The following SUPT6H variants were observed in gnomAD, a reference collection of about 807,000 sequenced individuals.
SUPT6H encodes SPT6 homolog, histone chaperone and transcription elongation factor.
In SUPT6H, 11 loss-of-function variants were observed where a neutral mutation model predicts 222.3. That is an observed-to-expected ratio of 0.05 (90% CI 0.03 to 0.08). The LOEUF is 0.08. Ranked by LOEUF, SUPT6H falls within the 10% of genes least tolerant of loss-of-function variation. The pLI, the probability that SUPT6H is intolerant of heterozygous loss-of-function variation, is 1.00. For missense variants in SUPT6H, 1,422 were observed against 2,216.0 expected (o/e 0.64, Z 7.19); for synonymous variants, 762 against 801.2 (o/e 0.95, Z 0.83).
Position 28,695,385 on chromosome 17 carries a change from A to G in SUPT6H, c.3808A>G (p.Ile1270Val). 6.2e-7 allele frequency: 1 copy of G among 1,614,024 alleles called. No individual in the cohort carries two copies. Among genetic ancestry groups the G allele is most frequent in the Non-Finnish European group, 8.5e-7 (1 of 1,179,992 alleles). ...GMTVHCRIMKIDIEKFSADLT... is the reference protein window; with the variant it reads ...GMTVHCRIMKVDIEKFSADLT... ...GACTGTTCACTGCCGCATCATGAAG[A>G]TTGACATTGAGAAGTTCAGTGCAGA... Residue 1270 changes from isoleucine to valine, a missense_variant, in exon 29 of 37, where the codon ATT becomes GTT. Coordinates refer to ENST00000314616, the MANE Select transcript of SUPT6H (RefSeq NM_003170.5).
At chr17:28,691,090 A>G in intron 27 of SUPT6H, 27 bp downstream of exon 27, 1 of 1,605,680 alleles carries the variant, frequency 6.2e-7, no homozygotes, top group Non-Finnish European at 8.5e-7. Context: ...TATCCTGCTC[A>G]GTGGATTTCC....
chr17:28,673,910 G>A (rs1357543398), intron 2 of SUPT6H, among the ~76,000 whole-genome samples: 1 of 152,144 alleles, frequency 6.6e-6, no homozygotes, highest in Admixed American at 6.5e-5. Flanking sequence ...GACTTCAAAG[G>A]GGTAAAGGGA....
intron 1 of SUPT6H, 103 bp from the exon 2 acceptor site, chr17:28,673,268 A>G: frequency 1.6e-6 from 1 of 641,508 alleles, no homozygotes; most frequent in Non-Finnish European, 2.8e-6. Context: ...TTGAGTGGGC[A>G]GAGCAGTGGC....
intron 36 of SUPT6H, 83 bp downstream of exon 36, chr17:28,701,211 G>T (rs533940961): frequency 1.3e-6 from 2 of 1,512,252 alleles, no homozygotes; most frequent in African/African-American, 2.8e-5. Context: ...GCAGAGGCAG[G>T]TGCTCTGGAT....
chr17:28,695,286 G>T, intron 28 of SUPT6H, 66 bp from the exon 29 acceptor site: 1 of 1,516,660 alleles, frequency 6.6e-7, no homozygotes, highest in South Asian at 1.3e-5. Flanking sequence ...GTTTTCTCAT[G>T]GGTGAAATAG....
Position 28,690,943 on chromosome 17 carries a change from C to G in SUPT6H, c.3513C>G (p.Val1171=), listed in dbSNP as rs144138350. ...FYIGKLIICN[V]TGIAHRRPQG... ...CAGGAAAGCTCATCATCTGCAATGTCACTGGCATTGCCCACAGGCGTCCCC... is the reference window on the plus strand; with the variant it reads ...CAGGAAAGCTCATCATCTGCAATGTGACTGGCATTGCCCACAGGCGTCCCC... Residue 1171 remains valine (V), a synonymous_variant, in exon 27 of 37, where the codon GTC becomes GTG. Transcript: ENST00000314616. 2.1e-4 allele frequency: 346 copies of G among 1,613,676 alleles called. 1 individual carries two copies. The highest frequency in any genetic ancestry group is 2.7e-4 in the Non-Finnish European group (320 of 1,180,024).
rs761330947 is a variant in SUPT6H, at chr17:28,693,740, C to G, written c.3678C>G (p.Ile1226Met). The G allele has an allele frequency of 6.2e-7, 1 of 1,614,198 alleles. No individual in the cohort carries two copies. Among genetic ancestry groups the G allele is most frequent in the South Asian group, 1.1e-5 (1 of 91,082 alleles). ...FDSGSCPGQA[I>M]GVKTRLDNGV... ...GCGGTTCGTGCCCAGGCCAGGCCAT[C>G]GGTGTCAAAACACGGCTAGACAATG... Residue 1226 changes from isoleucine to methionine, a missense_variant, in exon 28 of 37, where the codon ATC becomes ATG. Around this residue, in one of 13 missense-constraint regions of SUPT6H, gnomAD observed 39 missense variants for 124.2 expected, o/e 0.31. Coordinates refer to ENST00000314616, the MANE Select transcript of SUPT6H (RefSeq NM_003170.5).
intron 29 of SUPT6H, among the ~76,000 whole-genome samples, chr17:28,696,323 G>A (rs981195859): frequency 2.7e-5 from 4 of 148,664 alleles, no homozygotes; most frequent in Admixed American, 2.0e-4. Flanking sequence ...ATGGCCAGGC[G>A]CGATGGCTCA....
At chr17:28,679,990 C>CA (rs36143547) in intron 11 of SUPT6H, among the ~76,000 whole-genome samples, 847 of 58,204 alleles carry the variant, frequency 0.015, 12 homozygotes, top group African/African-American at 0.037. Context: ...GACTCCATCT[C>CA]AAAAAAAAAA....
intron 33 of SUPT6H, 72 bp from the exon 34 acceptor site, chr17:28,700,101 C>T: frequency 6.2e-7 from 1 of 1,602,410 alleles, no homozygotes; most frequent in Non-Finnish European, 8.5e-7. Context: ...TTCAGTGCCC[C>T]TTCCACCCCC....
In SUPT6H at chr17:28,682,849, G is replaced by T; in HGVS notation, c.1720G>T (p.Val574Phe). The change falls in exon 14 of 37, where the codon GTT becomes TTT. Residue 574 changes from valine to phenylalanine, a missense_variant. Transcript: ENST00000314616. ...AEPLELAKDY[V>F]CSQFPTPEAV... ...GCCCTTGGAGCTGGCCAAGGATTAC[G>T]TTTGCAGGTAGGCATGCAGCAGGTG... 6.2e-7 allele frequency: 1 copy of T among 1,614,132 alleles called. No individual in the cohort carries two copies. The highest frequency in any genetic ancestry group is 1.1e-5 in the South Asian group (1 of 91,082).
chr17:28,677,908 T>G (rs903782027), intron 8 of SUPT6H, 92 bp downstream of exon 8: 6 of 1,355,224 alleles, frequency 4.4e-6, no homozygotes, highest in Non-Finnish European at 6.3e-6. Context: ...TACATCCGTG[T>G]GCCTGGTATT....
In SUPT6H at chr17:28,678,123, T is replaced by C. The variant is rs1182102153; in HGVS notation, c.1047T>C (p.Ser349=). The C allele has an allele frequency of 6.2e-7, 1 of 1,612,230 alleles. No homozygotes were observed. The highest frequency in any genetic ancestry group is 1.1e-5 in the South Asian group (1 of 90,690). The stretch of plus-strand genomic sequence containing the variant: ...GAGGGCAGCCAGCCAGCAGCTTCAG[T>C]CGGAAAGGGCCCAGCACAATTCAGA... ...LDRGQPASSF[S]RKGPSTIQKI... The change falls in exon 9 of 37, where the codon AGT becomes AGC. Residue 349 remains serine, a synonymous_variant. Transcript: ENST00000314616.
Position 28,678,919 on chromosome 17 carries a change from T to C in SUPT6H, c.1305T>C (p.Pro435=), listed in dbSNP as rs2030918613. 6.2e-7 allele frequency: 1 copy of C among 1,614,154 alleles called. No homozygotes were observed. The highest frequency in any genetic ancestry group is 1.7e-5 in the Admixed American group (1 of 60,018). ...YEQISADPDK[P]LADGIRALDT... is the part of the protein sequence containing the mutation. ...AGATCTCTGCTGACCCTGACAAACC[T>C]CTTGCTGATGGCATCCGGGCTCTGG... Residue 435 remains proline, a synonymous_variant, in exon 11 of 37, where the codon CCT becomes CCC. Coordinates refer to ENST00000314616, the MANE Select transcript of SUPT6H (RefSeq NM_003170.5).
At chr17:28,699,323 AC>A (rs2032045185) in intron 32 of SUPT6H, among the ~76,000 whole-genome samples, 1 of 152,136 alleles carries the variant, frequency 6.6e-6, no homozygotes. Flanking sequence ...ACTGGAACTA[AC>A]CCAGAGCCCC....
intron 1 of SUPT6H, among the ~76,000 whole-genome samples, chr17:28,669,880 G>A (rs2030315306): frequency 1.3e-5 from 2 of 152,274 alleles, no homozygotes; most frequent in Admixed American, 1.3e-4. Flanking sequence ...AGGTTGCAGC[G>A]AGCCAGGATC....
At chr17:28,678,305 C>A in intron 9 of SUPT6H, 113 bp downstream of exon 9, 1 of 994,480 alleles carries the variant, frequency 1.0e-6, no homozygotes, top group South Asian at 1.4e-5. Flanking sequence ...CTATCCATGA[C>A]TCAACAAGTG....
chr17:28,698,921 G>A (rs750686722), intron 32 of SUPT6H, among the ~76,000 whole-genome samples: 1 of 152,092 alleles, frequency 6.6e-6, no homozygotes, highest in South Asian at 2.1e-4. Context: ...ACTGTGTCCT[G>A]TGTGGAACAG....
At chr17:28,698,725 G>C (rs78329394) in intron 32 of SUPT6H, among the ~76,000 whole-genome samples, 1 of 152,348 alleles carries the variant, frequency 6.6e-6, no homozygotes, top group East Asian at 1.9e-4. Flanking sequence ...CCCTGTACTG[G>C]CTTTACCTGA....
Sources: allele counts gnomAD v4.1 joint callset (sites outside exome capture counted in the v4.1 genomes callset), GRCh38; gene constraint gnomAD v4.1.1; regional missense constraint gnomAD v4.1.1; transcripts MANE v1.5; gene names NCBI Gene and HGNC (gene_info 2026-07-23, HGNC 2026-07-21).